Variants in PDE7B observed in about 807,000 individuals in gnomAD.
The protein encoded by PDE7B is phosphodiesterase 7B.
In PDE7B, 29 loss-of-function variants were observed where a neutral mutation model predicts 56.2. That is an observed-to-expected ratio of 0.52 (90% confidence interval 0.38 to 0.70). PDE7B has a LOEUF of 0.70. Ranked by LOEUF, PDE7B falls within the 30% of genes least tolerant of loss-of-function variation. The pLI is 0.00. For synonymous variants in PDE7B, 197 were observed against 196.9 expected, an observed-to-expected ratio of 1.00 and a Z score of 0.00; for missense variants, 490 against 565.0, an observed-to-expected ratio of 0.87 and a Z score of 1.35.
In PDE7B at chr6:136,004,000, C is replaced by T. The variant is rs1274575023; in HGVS notation, c.82+56476C>T. On this transcript the variant is annotated intron_variant, in intron 2 of 12. Coordinates refer to ENST00000308191, the MANE Select transcript of PDE7B (RefSeq NM_018945.4). ...CCAGCAGCACATCAAAAAGCTTATC[C>T]ACCATGATCAAGTGGGCTTCATCCC... 5.3e-5 allele frequency among the ~76,000 whole-genome samples: 8 copies of T among 152,126 alleles called. No individual in the cohort carries two copies. In the East Asian group the frequency reaches 1.3e-3, roughly 26 times the overall value.
chr6:135,955,614 G>A (rs117772936), intron 2 of PDE7B, among the ~76,000 whole-genome samples: 1 of 152,036 alleles, frequency 6.6e-6, no homozygotes, highest in African/African-American at 2.4e-5. Context: ...AGCTACAAGG[G>A]GAGATACACA....
At chr6:136,146,796 G>C (rs902108313) in intron 3 of PDE7B, among the ~76,000 whole-genome samples, 2 of 152,140 alleles carry the variant, frequency 1.3e-5, no homozygotes, top group Admixed American at 6.6e-5. Context: ...ACAAGAAAAT[G>C]AAATTCTTAA....
chr6:136,067,761 A>G (rs1452697191), intron 2 of PDE7B, among the ~76,000 whole-genome samples: 1 of 152,144 alleles, frequency 6.6e-6, no homozygotes, highest in Non-Finnish European at 1.5e-5. Flanking sequence ...AGTATTTCCC[A>G]CACATCAGGC....
At chr6:135,940,040 A>T (rs1261140616) in intron 1 of PDE7B, among the ~76,000 whole-genome samples, 2 of 152,130 alleles carry the variant, frequency 1.3e-5, no homozygotes, top group Non-Finnish European at 2.9e-5. Context: ...CAGTCCATAA[A>T]GATTTTTTTT....
rs1034292546 is a variant in PDE7B at position 135,965,250 on chromosome 6, AGAGGCG to A, written c.82+17731_82+17736del. On this transcript the variant is annotated intron_variant, in intron 2 of 12. Coordinates refer to ENST00000308191, the MANE Select transcript of PDE7B (RefSeq NM_018945.4). ...CTGTGAGAAATGGAGTAACAGTGGTAGAGGCGGAGGTGAGGGTGCTGATTTGAGAAG... is the reference window on the plus strand; with the variant it reads ...CTGTGAGAAATGGAGTAACAGTGGTAGAGGTGAGGGTGCTGATTTGAGAAG... Among the ~76,000 whole-genome samples the A allele has an allele frequency of 7.9e-5, 12 of 152,232 alleles. 1 individual carries two copies. The highest frequency in any genetic ancestry group is 2.9e-4 in the African/African-American group (12 of 41,474).
intron 8 of PDE7B, 54 bp downstream of exon 8, chr6:136,155,812 G>A (rs62431275): frequency 2.0e-5 from 31 of 1,580,198 alleles, no homozygotes; most frequent in East Asian, 1.8e-4. Flanking sequence ...CCTTAGGCCC[G>A]GTGCTCAAGC....
At chr6:136,091,454 T>C (rs1365801501) in intron 2 of PDE7B, among the ~76,000 whole-genome samples, 1 of 152,256 alleles carries the variant, frequency 6.6e-6, no homozygotes, top group African/African-American at 2.4e-5. Context: ...AGTCGCTGCA[T>C]GTCAGACCAG....
chr6:136,149,097 C>CCAAAGTGGGAATGTGGGATTT lies in PDE7B; in HGVS notation c.330_350dup (p.Lys111_Phe117dup). Reference sequence around the variant, plus strand: ...TGTTTGCCTTTTCAGCATATGCTCTCCAAAGTGGGAATGTGGGATTTTGAC... The same window carrying CCAAAGTGGGAATGTGGGATTT: ...TGTTTGCCTTTTCAGCATATGCTCTCCAAAGTGGGAATGTGGGATTTCAAAGTGGGAATGTGGGATTTTGAC... On this transcript the variant is annotated inframe_insertion, in exon 5 of 13. Transcript: ENST00000308191. The CCAAAGTGGGAATGTGGGATTT allele has an allele frequency of 6.2e-7, 1 of 1,612,378 alleles. No homozygotes were observed. Among genetic ancestry groups the CCAAAGTGGGAATGTGGGATTT allele is most frequent in the Non-Finnish European group, 8.5e-7 (1 of 1,178,536 alleles).
chr6:136,157,842 C>T (rs1419938743), intron 8 of PDE7B, among the ~76,000 whole-genome samples: 5 of 152,126 alleles, frequency 3.3e-5, no homozygotes, highest in Non-Finnish European at 7.3e-5. Context: ...GATTAAATTC[C>T]ACAACTCCAG....
chr6:136,072,617 G>A (rs930946716), intron 2 of PDE7B: 1 of 152,246 alleles, frequency 6.6e-6, no homozygotes, highest in Non-Finnish European at 1.5e-5. Flanking sequence ...CCACCTTGTA[G>A]GTTAGAGTAT....
intron 2 of PDE7B, among the ~76,000 whole-genome samples, chr6:135,984,570 C>G (rs543965369): frequency 6.6e-6 from 1 of 152,092 alleles, no homozygotes; most frequent in Non-Finnish European, 1.5e-5. Context: ...GATGGCTCTC[C>G]TACACACCCA....
At chr6:136,082,045 A>G (rs77151128) in intron 2 of PDE7B, among the ~76,000 whole-genome samples, 4,131 of 152,244 alleles carry the variant, frequency 0.027, 182 homozygotes, top group African/African-American at 0.092. Context: ...TTCTAGTACT[A>G]CTGGTGGGAG....
At chr6:135,916,752 G>A (rs1773957167) in intron 1 of PDE7B, among the ~76,000 whole-genome samples, 1 of 151,948 alleles carries the variant, frequency 6.6e-6, no homozygotes. Flanking sequence ...TGACTGGCTT[G>A]TAGTTTTAAA....
chr6:136,116,313 G>A (rs1220911286), intron 3 of PDE7B, among the ~76,000 whole-genome samples: 3 of 152,218 alleles, frequency 2.0e-5, no homozygotes, highest in Admixed American at 6.5e-5. Flanking sequence ...AGAGAGAAAG[G>A]CTTGGAATGC....
chr6:136,192,142 C>A lies in PDE7B; in HGVS notation c.*302C>A. ...TAGGAGGAAGAATGAGGTGCTCCTG[C>A]CGTGTCCGCCTTGTTCCGGGTCGCA... On this transcript the variant is annotated 3_prime_UTR_variant, in exon 13 of 13. Coordinates refer to ENST00000308191, the MANE Select transcript of PDE7B (RefSeq NM_018945.4). The A allele has an allele frequency of 2.4e-6, 1 of 415,384 alleles. No individual in the cohort carries two copies. The highest frequency in any genetic ancestry group is 4.5e-6 in the Non-Finnish European group (1 of 224,010). The allele number at this position is 415,384 out of a possible 1,614,324, so 25.7% of individuals were successfully genotyped here. A position where few individuals can be genotyped will look rare whatever the true frequency, so the allele number is the denominator to read the frequency against.
chr6:136,156,337 G>A (rs1481165706), intron 8 of PDE7B, among the ~76,000 whole-genome samples: 1 of 152,036 alleles, frequency 6.6e-6, no homozygotes, highest in Admixed American at 6.6e-5. Context: ...CTACAGGCAC[G>A]TGCCGCCACA....
At chr6:135,871,424 T>C (rs956494849) in intron 1 of PDE7B, among the ~76,000 whole-genome samples, 5 of 152,136 alleles carry the variant, frequency 3.3e-5, no homozygotes, top group African/African-American at 1.2e-4. Context: ...CTTACAGAAA[T>C]ATTTGCTTAG....
chr6:135,906,668 T>C (rs1275624179), intron 1 of PDE7B, among the ~76,000 whole-genome samples: 1 of 152,184 alleles, frequency 6.6e-6, no homozygotes, highest in African/African-American at 2.4e-5. Flanking sequence ...TTCTGGATTA[T>C]ATATAAATTC....
intron 1 of PDE7B, among the ~76,000 whole-genome samples, chr6:135,857,048 CCCTCCCTTCCTT>C (rs1277946389): frequency 2.9e-3 from 206 of 69,840 alleles, no homozygotes; most frequent in Middle Eastern, 9.8e-3. Context: ...CTCCCTCCCT[CCCTCCCTTCCTT>C]CCTCCCTTCC....
Sources: allele counts gnomAD v4.1 joint callset (sites outside exome capture counted in the v4.1 genomes callset), GRCh38; gene constraint gnomAD v4.1.1; transcripts MANE v1.5; gene names NCBI Gene and HGNC (gene_info 2026-07-23, HGNC 2026-07-21).